The following CCDC3 variants were observed in gnomAD, a reference collection of about 807,000 sequenced individuals.
The protein encoded by CCDC3 is coiled-coil domain-containing protein 3.
Under a neutral mutation model 21.4 loss-of-function variants are expected in CCDC3, and 24 were observed. The ratio of observed to expected loss-of-function variants is 1.12; its 90% CI spans 0.81 to 1.58. CCDC3 has a LOEUF of 1.58. Among genes scored for constraint, CCDC3 ranks in the 40% most tolerant of loss-of-function variants. The probability of loss-of-function intolerance (pLI) is 0.00; values close to 1 mark genes in which losing one functional copy is unlikely to be tolerated. For synonymous variants in CCDC3, 186 were observed against 166.0 expected, an observed-to-expected ratio of 1.12 and a Z score of -0.93; for missense variants, 425 against 360.9, an observed-to-expected ratio of 1.18 and a Z score of -1.44.
intron 2 of CCDC3, among the ~76,000 whole-genome samples, chr10:12,941,171 G>C (rs12247293): frequency 2.4e-4 from 36 of 152,208 alleles, no homozygotes; most frequent in Middle Eastern, 3.4e-3. Flanking sequence ...GTGGTGACGA[G>C]AGTGTCCTCT....
intron 3 of CCDC3, among the ~76,000 whole-genome samples, chr10:13,075,135 A>G (rs1419561163): frequency 6.6e-6 from 1 of 152,226 alleles, no homozygotes; most frequent in African/African-American, 2.4e-5. Context: ...ACATCCCTTT[A>G]TAACAAATCA....
intron 2 of CCDC3, among the ~76,000 whole-genome samples, chr10:12,925,438 C>T (rs1262325666): frequency 6.6e-6 from 1 of 152,206 alleles, no homozygotes; most frequent in East Asian, 1.9e-4. Flanking sequence ...TTTCAAGGCC[C>T]TCTAAGTAAC....
chr10:13,058,473 T>C (rs1287303587), intron 4 of CCDC3: 1 of 755,072 alleles, frequency 1.3e-6, no homozygotes, highest in African/African-American at 1.7e-5. Context: ...TCCCCCTCAA[T>C]ATGGCCTAAG....
At chr10:12,960,624 C>T (rs953802428) in intron 2 of CCDC3, among the ~76,000 whole-genome samples, 90 of 152,278 alleles carry the variant, frequency 5.9e-4, no homozygotes, top group African/African-American at 1.9e-3. Context: ...TGACAAATTA[C>T]GCAGAAACAA....
At position 13,085,376 on chromosome 10, in the gene CCDC3, G is replaced by A. The variant is rs752327728; in HGVS notation, c.-502-11276C>T. On this transcript the variant is annotated intron_variant, in intron 3 of 6. Coordinates refer to the CCDC3 transcript ENST00000378839. ...AATGGCTGGCAACTTTCACATGTCAGTTTCTTCTGCTAACAACAATTCCAC... is the reference window on the plus strand; with the variant it reads ...AATGGCTGGCAACTTTCACATGTCAATTTCTTCTGCTAACAACAATTCCAC... 2.5e-4 allele frequency among the ~76,000 whole-genome samples: 38 copies of A among 152,190 alleles called. 1 individual carries two copies. Among genetic ancestry groups the A allele is most frequent in the Admixed American group, 1.3e-4 (2 of 15,286 alleles).
At chr10:13,032,517 A>C (rs1836318640) in intron 5 of CCDC3, among the ~76,000 whole-genome samples, 1 of 152,146 alleles carries the variant, frequency 6.6e-6, no homozygotes, top group African/African-American at 2.4e-5. Flanking sequence ...AAAGAAATAA[A>C]GGGTATTCAA....
intron 2 of CCDC3, among the ~76,000 whole-genome samples, chr10:12,907,676 G>A (rs1834195853): frequency 6.6e-6 from 1 of 152,042 alleles, no homozygotes; most frequent in Admixed American, 6.6e-5. Context: ...TAGTTTTGAC[G>A]ATTTGTTCTG....
intron 2 of CCDC3, among the ~76,000 whole-genome samples, chr10:12,918,721 G>C (rs1045003566): frequency 6.6e-6 from 1 of 152,124 alleles, no homozygotes; most frequent in Non-Finnish European, 1.5e-5. Context: ...CAGATGGAAG[G>C]GGGAAGGCTT....
chr10:12,909,490 G>A (rs1443661353), intron 2 of CCDC3, among the ~76,000 whole-genome samples: 3 of 152,208 alleles, frequency 2.0e-5, no homozygotes, highest in Non-Finnish European at 4.4e-5. Context: ...GAGGTGCACT[G>A]TGTCCCCCAT....
intron 2 of CCDC3, among the ~76,000 whole-genome samples, chr10:12,912,770 T>C (rs1834290069): frequency 6.6e-6 from 1 of 152,182 alleles, no homozygotes; most frequent in African/African-American, 2.4e-5. Flanking sequence ...TCTTTAAACA[T>C]TGAGTTGATT....
At chr10:12,909,578 C>T (rs1372124111) in intron 2 of CCDC3, among the ~76,000 whole-genome samples, 2 of 152,192 alleles carry the variant, frequency 1.3e-5, no homozygotes, top group African/African-American at 2.4e-5. Context: ...TCAAAGCTTA[C>T]CCCTTGCTCT....
chr10:13,074,646 T>G (rs148678711), intron 3 of CCDC3, among the ~76,000 whole-genome samples: 1 of 152,144 alleles, frequency 6.6e-6, no homozygotes, highest in African/African-American at 2.4e-5. Flanking sequence ...GTTAAAGCAT[T>G]TGTTATCACT....
intron 2 of CCDC3, among the ~76,000 whole-genome samples, chr10:12,937,869 A>G (rs72777405): frequency 0.021 from 3,263 of 152,238 alleles, 48 homozygotes; most frequent in Middle Eastern, 0.051. Context: ...TTGGCACCCC[A>G]TGGAAACTCG....
chr10:13,060,188 G>A (rs1365643234), intron 4 of CCDC3, among the ~76,000 whole-genome samples: 1 of 152,128 alleles, frequency 6.6e-6, no homozygotes, highest in Non-Finnish European at 1.5e-5. Context: ...CTCATAGTGA[G>A]AAAATGCTAT....
chr10:13,094,877 A>C (rs2131457471), intron 3 of CCDC3, among the ~76,000 whole-genome samples: 1 of 152,106 alleles, frequency 6.6e-6, no homozygotes, highest in Middle Eastern at 3.4e-3. Flanking sequence ...CAAACAAAAA[A>C]CATGGGAGGA....
chr10:12,971,456 A>G (rs1359812835), intron 2 of CCDC3, among the ~76,000 whole-genome samples: 1 of 152,168 alleles, frequency 6.6e-6, no homozygotes, highest in African/African-American at 2.4e-5. Flanking sequence ...GAAAAGAAGG[A>G]ACCCACACTC....
intron 5 of CCDC3, among the ~76,000 whole-genome samples, chr10:13,044,846 T>C (rs896808240): frequency 2.0e-5 from 3 of 152,252 alleles, no homozygotes; most frequent in Admixed American, 6.5e-5. Context: ...GGCAGTTTAA[T>C]AGAAATAGTG....
intron 2 of CCDC3, among the ~76,000 whole-genome samples, chr10:12,960,543 G>C (rs1835165435): frequency 6.6e-6 from 1 of 152,186 alleles, no homozygotes; most frequent in Non-Finnish European, 1.5e-5. Flanking sequence ...TGGGTAAACA[G>C]ACCGAAGCCC....
chr10:12,928,179 G>A (rs573981835), intron 2 of CCDC3, among the ~76,000 whole-genome samples: 5 of 152,242 alleles, frequency 3.3e-5, no homozygotes, highest in African/African-American at 1.2e-4. Flanking sequence ...GTGGCTCAAG[G>A]CATCTGAGGT....
Sources: allele counts gnomAD v4.1 joint callset (sites outside exome capture counted in the v4.1 genomes callset), GRCh38; gene constraint gnomAD v4.1.1; transcripts MANE v1.5; gene names NCBI Gene and HGNC (gene_info 2026-07-23, HGNC 2026-07-21).